The following GLIS3 variants were observed in gnomAD, a reference collection of about 807,000 sequenced individuals.
GLIS3 encodes zinc finger protein GLIS3.
In GLIS3, 53 loss-of-function variants were observed where a neutral mutation model predicts 78.6. The ratio of observed to expected loss-of-function variants is 0.67; its 90% CI spans 0.54 to 0.85. The LOEUF (loss-of-function observed/expected upper bound fraction) is 0.85. Ranked by LOEUF, GLIS3 falls within the 40% of genes least tolerant of loss-of-function variation. GLIS3 has a pLI of 0.00. For missense variants in GLIS3, 1,703 were observed against 1,231.1 expected (o/e 1.38, Z -5.74); for synonymous variants, 684 against 509.9 (o/e 1.34, Z -4.60).
intron 2 of GLIS3, among the ~76,000 whole-genome samples, chr9:4,231,317 G>C (rs1026378235): frequency 6.6e-6 from 1 of 152,096 alleles, no homozygotes; most frequent in Non-Finnish European, 1.5e-5. Flanking sequence ...TAATGGCAAG[G>C]AGCTGTTATC....
At chr9:4,053,705 T>TTAAAAAAAAAA (rs1554682400) in intron 4 of GLIS3, among the ~76,000 whole-genome samples, 3 of 91,148 alleles carry the variant, frequency 3.3e-5, no homozygotes, top group East Asian at 3.7e-4. Context: ...TCTTTCTTCA[T>TTAAAAAAAAAA]AAAAAAAAAA....
chr9:4,488,856 C>A, the GLIS3 span, among the ~76,000 whole-genome samples: 2 of 151,454 alleles, frequency 1.3e-5, no homozygotes, highest in Non-Finnish European at 2.9e-5. Context: ...TCTGACATTT[C>A]CTTCCTTCTT....
the GLIS3 span, among the ~76,000 whole-genome samples, chr9:4,383,122 A>T: frequency 2.0e-4 from 30 of 152,326 alleles, no homozygotes; most frequent in African/African-American, 6.5e-4. Context: ...TGCCAGACTT[A>T]ATGTGAGAAA....
intron 4 of GLIS3, among the ~76,000 whole-genome samples, chr9:4,092,827 C>G (rs981109614): frequency 1.3e-5 from 2 of 152,146 alleles, no homozygotes; most frequent in African/African-American, 4.8e-5. Flanking sequence ...ATAGTAAATA[C>G]ATAAAACAGC....
At chr9:4,284,327 C>G (rs1470357839) in intron 2 of GLIS3, among the ~76,000 whole-genome samples, 1 of 152,154 alleles carries the variant, frequency 6.6e-6, no homozygotes, top group Non-Finnish European at 1.5e-5. Context: ...TTATTAGTGT[C>G]AGTCAGGATT....
chr9:4,291,648 C>T (rs189263093), intron 1 of GLIS3, among the ~76,000 whole-genome samples: 50 of 152,080 alleles, frequency 3.3e-4, no homozygotes, highest in South Asian at 2.1e-4. Context: ...TGACCACATC[C>T]GATTCAGGAA....
chr9:4,466,922 C>A, the GLIS3 span, among the ~76,000 whole-genome samples: 1 of 152,200 alleles, frequency 6.6e-6, no homozygotes, highest in South Asian at 2.1e-4. Context: ...AAAATTGGAA[C>A]ACTCCCATCC....
intron 1 of GLIS3, among the ~76,000 whole-genome samples, chr9:4,296,768 A>T (rs920407589): frequency 1.3e-5 from 2 of 150,952 alleles, no homozygotes; most frequent in South Asian, 4.2e-4. Context: ...GAAAATAGCG[A>T]AAAAAAAATG....
chr9:4,054,786 T>C (rs530047423), intron 4 of GLIS3, among the ~76,000 whole-genome samples: 4 of 152,294 alleles, frequency 2.6e-5, no homozygotes, highest in Admixed American at 1.3e-4. Flanking sequence ...TGTGTGTGTA[T>C]GTGTGTGTTC....
chr9:4,473,314 T>C, the GLIS3 span, among the ~76,000 whole-genome samples: 1 of 151,870 alleles, frequency 6.6e-6, no homozygotes, highest in African/African-American at 2.4e-5. Flanking sequence ...AGCATGATGG[T>C]GGGCGCCTGG....
In GLIS3 at chr9:3,953,793, C is replaced by CTATATA. The variant is rs1272427441; in HGVS notation, c.1711-16605_1711-16604insTATATA. On this transcript the variant is annotated intron_variant, in intron 4 of 10. Coordinates refer to ENST00000381971, the MANE Select transcript of GLIS3 (RefSeq NM_001042413.2). ...TCTCTCTCTCTCTCTCTCTCTCTCT[C>CTATATA]TCTATATATATATATATATATATAT... 1.5e-4 allele frequency among the ~76,000 whole-genome samples: 7 copies of CTATATA among 46,938 alleles called. No homozygotes were observed. The East Asian group carries it at 3.0e-3, about 20-fold the overall frequency. 30.8% of individuals were successfully genotyped at this position (46,938 alleles called of 152,430 possible).
At chr9:4,475,843 G>A in the GLIS3 span, among the ~76,000 whole-genome samples, 1 of 152,240 alleles carries the variant, frequency 6.6e-6, no homozygotes, top group African/African-American at 2.4e-5. Context: ...TGGGAGAGAG[G>A]GTAGTAGAAG....
intron 4 of GLIS3, among the ~76,000 whole-genome samples, chr9:4,039,147 G>C (rs529885674): frequency 5.5e-4 from 84 of 152,190 alleles, no homozygotes; most frequent in African/African-American, 2.0e-3. Context: ...TCACACCTAG[G>C]GTGGTTCCAC....
intron 2 of GLIS3, among the ~76,000 whole-genome samples, chr9:4,170,625 G>A (rs182712936): frequency 4.7e-4 from 71 of 152,282 alleles, no homozygotes; most frequent in African/African-American, 1.7e-3. Context: ...ACACTGTTCT[G>A]ACCCTAAAAC....
the GLIS3 span, among the ~76,000 whole-genome samples, chr9:4,366,767 G>A: frequency 2.0e-5 from 3 of 152,206 alleles, no homozygotes; most frequent in South Asian, 4.1e-4. Flanking sequence ...GGCACAGAGA[G>A]CAGGGACTGA....
intron 6 of GLIS3, among the ~76,000 whole-genome samples, chr9:3,908,927 T>C (rs1173672177): frequency 6.6e-6 from 1 of 152,164 alleles, no homozygotes; most frequent in Non-Finnish European, 1.5e-5. Context: ...AGCAAAGGCA[T>C]TCTGTTAGTC....
chr9:4,189,302 G>C (rs1818106506), intron 2 of GLIS3, among the ~76,000 whole-genome samples: 1 of 152,164 alleles, frequency 6.6e-6, no homozygotes, highest in South Asian at 2.1e-4. Flanking sequence ...ATGTAGCTGA[G>C]CGGTTTTGAG....
chr9:4,032,624 G>A (rs1309808272), intron 4 of GLIS3, among the ~76,000 whole-genome samples: 1 of 152,054 alleles, frequency 6.6e-6, no homozygotes, highest in South Asian at 2.1e-4. Flanking sequence ...GAAAACATAC[G>A]CAACGTGTCA....
At chr9:4,199,974 G>A (rs1278152625) in intron 2 of GLIS3, among the ~76,000 whole-genome samples, 1 of 151,984 alleles carries the variant, frequency 6.6e-6, no homozygotes, top group African/African-American at 2.4e-5. Context: ...GGACCACAGT[G>A]GAATAAAAAC....
Sources: gnomAD v4.1 joint callset for allele counts (sites outside exome capture counted in the v4.1 genomes callset) on GRCh38, gnomAD v4.1.1 for gene constraint, MANE v1.5 for transcripts, NCBI Gene and HGNC (gene_info 2026-07-23, HGNC 2026-07-21) for gene names.